FHIT: variants seen among roughly 807,000 people sequenced by gnomAD.
The protein encoded by FHIT is fragile histidine triad diadenosine triphosphatase, also known as bis(5'-adenosyl)-triphosphatase.
Under a neutral mutation model 17.9 loss-of-function variants are expected in FHIT, and 19 were observed. That is an observed-to-expected ratio of 1.06 (90% confidence interval 0.74 to 1.56). The LOEUF is 1.56. Among genes scored for constraint, FHIT ranks in the 40% most tolerant of loss-of-function variants. The pLI is 0.00. For missense variants in FHIT, 248 were observed against 189.2 expected (o/e 1.31, Z -1.82); for synonymous variants, 81 against 69.7 (o/e 1.16, Z -0.81).
At chr3:60,075,966 G>A (rs1702989369) in intron 5 of FHIT, among the ~76,000 whole-genome samples, 1 of 152,090 alleles carries the variant, frequency 6.6e-6, no homozygotes, top group African/African-American at 2.4e-5. Flanking sequence ...AGCTACGTGT[G>A]AGTTCTGAGT....
Position 60,739,366 on chromosome 3 carries a change from ACCCAC to A in FHIT, c.-18+82548_-18+82552del, listed in dbSNP as rs535411496. Among the ~76,000 whole-genome samples, 37 of 152,284 alleles carry A rather than the reference ACCCAC, an allele frequency of 2.4e-4. No homozygotes were observed. In the East Asian group the frequency reaches 4.8e-3, roughly 20 times the overall value. ...GCATTGTAACACTGGGGCCACAGGC[ACCCAC>A]CCCTAGACACTACCATGGGACTGGA... On this transcript the variant is annotated intron_variant, in intron 4 of 9. Coordinates refer to ENST00000492590, the MANE Select transcript of FHIT (RefSeq NM_002012.4).
rs1160394303 is a variant in FHIT, at chr3:59,747,354, T to C, written c.*2231A>G. ...AAGAGGAGCAAAGCCACATCTTACATGGCAGCAGGCAAGACAGCGTATTCA... is the reference window on the plus strand; with the variant it reads ...AAGAGGAGCAAAGCCACATCTTACACGGCAGCAGGCAAGACAGCGTATTCA... On this transcript the variant is annotated 3_prime_UTR_variant, in exon 10 of 10. Transcript: ENST00000492590. 2.0e-5 allele frequency among the ~76,000 whole-genome samples: 3 copies of C among 152,066 alleles called. No homozygotes were observed. Among genetic ancestry groups the C allele is most frequent in the Non-Finnish European group, 2.9e-5 (2 of 67,996 alleles).
intron 5 of FHIT, among the ~76,000 whole-genome samples, chr3:60,060,966 T>C (rs1365083266): frequency 6.6e-6 from 1 of 152,068 alleles, no homozygotes; most frequent in Admixed American, 6.6e-5. Context: ...TATATTAGAG[T>C]TTCTATCTCT....
intron 1 of FHIT, among the ~76,000 whole-genome samples, chr3:61,231,301 G>T (rs1052166410): frequency 1.3e-5 from 2 of 152,028 alleles, no homozygotes; most frequent in African/African-American, 4.8e-5. Context: ...AAACCAGCCT[G>T]GACAACATAA....
At chr3:60,140,923 G>C (rs1201467761) in intron 5 of FHIT, among the ~76,000 whole-genome samples, 2 of 152,106 alleles carry the variant, frequency 1.3e-5, no homozygotes, top group Admixed American at 6.6e-5. Flanking sequence ...CGGATCTAGG[G>C]TGTCAAAGCT....
At chr3:61,018,169 T>C (rs947434002) in intron 3 of FHIT, among the ~76,000 whole-genome samples, 17 of 152,200 alleles carry the variant, frequency 1.1e-4, no homozygotes, top group African/African-American at 4.1e-4. Context: ...TGATAAAAAG[T>C]AAGTAACTTT....
At position 61,001,304 on chromosome 3, in the gene FHIT, C is replaced by T. The variant is rs79665785; in HGVS notation, c.-111+40743G>A. 2.3e-3 allele frequency among the ~76,000 whole-genome samples: 351 copies of T among 152,270 alleles called. 1 individual carries two copies. Among genetic ancestry groups the T allele is most frequent in the African/African-American group, 7.9e-3 (329 of 41,568 alleles). ...CTATATTACCCAGAAGTGGCACTCT[C>T]GGGCACTTGTCACAGAGAAACGAAA... On this transcript the variant is annotated intron_variant, in intron 3 of 9. Transcript: ENST00000492590.
At position 60,446,587 on chromosome 3, in the gene FHIT, G is replaced by T. The variant is rs943633100; in HGVS notation, c.103+90273C>A. 2.0e-5 allele frequency among the ~76,000 whole-genome samples: 3 copies of T among 152,048 alleles called. 1 individual carries two copies. The highest frequency in any genetic ancestry group is 2.0e-4 in the Admixed American group (3 of 15,250). ...GAGACTATCAAAAACACACACAGTG[G>T]CTCACACCTGTGATCCCAACACTTT... is the stretch of plus-strand genomic sequence containing the variant. On this transcript the variant is annotated intron_variant, in intron 5 of 9. Coordinates refer to ENST00000492590, the MANE Select transcript of FHIT (RefSeq NM_002012.4).
chr3:60,269,015 T>G (rs1172783289), intron 5 of FHIT, among the ~76,000 whole-genome samples: 1 of 152,204 alleles, frequency 6.6e-6, no homozygotes, highest in Non-Finnish European at 1.5e-5. Flanking sequence ...GGTTCTCTAC[T>G]AGAGCTTCCA....
intron 4 of FHIT, among the ~76,000 whole-genome samples, chr3:60,565,856 G>C (rs1465722933): frequency 6.6e-6 from 1 of 152,078 alleles, no homozygotes; most frequent in Admixed American, 6.6e-5. Context: ...TGATGTTAGG[G>C]TGTCAATTTT....
rs147990497 is a variant in FHIT at position 59,749,429 on chromosome 3, G to A, written c.*156C>T. ...ATTTTAAGGGAGTTGGAGTGACCGA[G>A]GTGGGGGATCACTGGTTGAAGAATA... On this transcript the variant is annotated 3_prime_UTR_variant, in exon 10 of 10. Transcript: ENST00000492590. 2.4e-4 allele frequency: 56 copies of A among 231,976 alleles called. No individual in the cohort carries two copies. The East Asian group carries it at 3.4e-3, about 14-fold the overall frequency. 14.4% of individuals were successfully genotyped at this position (231,976 alleles called of 1,614,324 possible).
rs1314904443 is a variant in FHIT, at chr3:60,524,560, CA to C, written c.103+12299del. On this transcript the variant is annotated intron_variant, in intron 5 of 9. Coordinates refer to ENST00000492590, the MANE Select transcript of FHIT (RefSeq NM_002012.4). ...TGAAAGTTGTATGTAGCTGCTGTAA[CA>C]AATTACCATAAATTGGTGGCTGAAA... is the stretch of plus-strand genomic sequence containing the variant. Among the ~76,000 whole-genome samples, 9 of 152,238 alleles carry C rather than the reference CA, an allele frequency of 5.9e-5. No homozygotes were observed. In the East Asian group the frequency reaches 1.7e-3, roughly 29 times the overall value.
intron 1 of FHIT, among the ~76,000 whole-genome samples, chr3:61,246,540 C>A (rs1246329722): frequency 6.6e-6 from 1 of 152,108 alleles, no homozygotes; most frequent in Non-Finnish European, 1.5e-5. Context: ...ATGCAGGTAA[C>A]CGGACTCTGC....
intron 2 of FHIT, among the ~76,000 whole-genome samples, chr3:61,155,542 AGGTT>A (rs765941893): frequency 1.2e-4 from 18 of 152,158 alleles, no homozygotes; most frequent in Non-Finnish European, 2.2e-4. Flanking sequence ...CTATCCACCC[AGGTT>A]GAACAATGAT....
At chr3:61,059,304 G>A (rs1575935336) in intron 2 of FHIT, among the ~76,000 whole-genome samples, 1 of 148,888 alleles carries the variant, frequency 6.7e-6, no homozygotes, top group East Asian at 2.0e-4. Context: ...CAAAAAAAGT[G>A]TATGCTTTGC....
intron 4 of FHIT, among the ~76,000 whole-genome samples, chr3:60,568,191 A>G (rs1453490026): frequency 6.6e-6 from 1 of 152,182 alleles, no homozygotes; most frequent in Non-Finnish European, 1.5e-5. Context: ...ACAATAGCAA[A>G]GACTTGGAAC....
chr3:59,908,497 G>C (rs954899194), intron 8 of FHIT, among the ~76,000 whole-genome samples: 4 of 152,138 alleles, frequency 2.6e-5, no homozygotes, highest in Admixed American at 2.6e-4. Flanking sequence ...GAGGCCAAAG[G>C]TCACCATCCT....
intron 5 of FHIT, among the ~76,000 whole-genome samples, chr3:60,382,733 T>C (rs1219881638): frequency 6.6e-6 from 1 of 152,190 alleles, no homozygotes; most frequent in Non-Finnish European, 1.5e-5. Flanking sequence ...ATACTGTGAC[T>C]CCAATAGGGC....
chr3:60,891,174 C>T lies in FHIT; in HGVS notation c.-110-69163G>A, dbSNP rs1471752920. ...TGGCTGCATTTCCTGGCTTGACAGG[C>T]TACTGCTACTTTATAGTAGCTCTCT... On this transcript the variant is annotated intron_variant, in intron 3 of 9. Coordinates refer to ENST00000492590, the MANE Select transcript of FHIT (RefSeq NM_002012.4). 3.3e-5 allele frequency among the ~76,000 whole-genome samples: 5 copies of T among 152,198 alleles called. No individual in the cohort carries two copies. In the East Asian group the frequency reaches 9.6e-4, roughly 29 times the overall value.
Sources: allele counts gnomAD v4.1 joint callset (sites outside exome capture counted in the v4.1 genomes callset), GRCh38; gene constraint gnomAD v4.1.1; transcripts MANE v1.5; gene names NCBI Gene and HGNC (gene_info 2026-07-23, HGNC 2026-07-21).